The following KIAA0586 variants were observed in gnomAD, a reference collection of about 807,000 sequenced individuals.
KIAA0586 encodes the protein KIAA0586, also known as protein TALPID3.
In KIAA0586, 144 loss-of-function variants were observed where a neutral mutation model predicts 169.8. The observed-to-expected ratio is 0.85, with a 90% CI of 0.74 to 0.97. The LOEUF (loss-of-function observed/expected upper bound fraction) is 0.97, where lower values mean the gene tolerates loss of function less well. Among genes scored for constraint, KIAA0586 ranks in the 50% least tolerant of loss-of-function variants. KIAA0586 has a pLI of 0.00. For synonymous variants in KIAA0586, 625 were observed against 612.4 expected (o/e 1.02, Z -0.30); for missense variants, 1,854 against 1,823.0 (o/e 1.02, Z -0.31).
chr14:58,552,832 A>G (rs1163275525), downstream of KIAA0586, among the ~76,000 whole-genome samples: 1 of 152,242 alleles, frequency 6.6e-6, no homozygotes, highest in Non-Finnish European at 1.5e-5. Context: ...ATATATGTAA[A>G]GAGTTGAAAG....
At chr14:58,457,531 G>T (rs377048104) in intron 10 of KIAA0586, among the ~76,000 whole-genome samples, 18 of 152,310 alleles carry the variant, frequency 1.2e-4, no homozygotes, top group African/African-American at 4.3e-4. Context: ...GCCTCCCAAA[G>T]TGTTGGGATT....
chr14:58,463,041 C>G (rs1298795022), intron 14 of KIAA0586, among the ~76,000 whole-genome samples: 1 of 152,156 alleles, frequency 6.6e-6, no homozygotes, highest in African/African-American at 2.4e-5. Flanking sequence ...CAAGCCATAT[C>G]AGAACCTAAG....
intron 15 of KIAA0586, 148 bp downstream of exon 15, chr14:58,466,177 A>G: frequency 1.7e-6 from 1 of 572,112 alleles, no homozygotes; most frequent in Non-Finnish European, 3.0e-6. Context: ...CAACCTCTCA[A>G]AGTGCTGGGA....
intron 27 of KIAA0586, among the ~76,000 whole-genome samples, chr14:58,502,840 CT>C (rs1642165459): frequency 6.6e-6 from 1 of 152,194 alleles, no homozygotes; most frequent in Non-Finnish European, 1.5e-5. Context: ...CAGACTATAA[CT>C]GTGGTCCATA....
intron 30 of KIAA0586, among the ~76,000 whole-genome samples, chr14:58,542,573 C>G (rs1197165861): frequency 6.6e-6 from 1 of 152,086 alleles, no homozygotes; most frequent in Non-Finnish European, 1.5e-5. Flanking sequence ...ACACAGTTAA[C>G]TAGAGTTTAA....
intron 14 of KIAA0586, among the ~76,000 whole-genome samples, chr14:58,461,704 T>C (rs1743718): frequency 0.98 from 149,796 of 152,300 alleles, 73,709 homozygotes; most frequent in Non-Finnish European, 1. Context: ...GTAGACATTT[T>C]CCTGAAGACC....
chr14:58,548,215 G>A lies in KIAA0586; in HGVS notation c.*283G>A, dbSNP rs578054342. ...TGACATCTAGGCATTTAATCTATAGGTGTAATTATCTGTATGTATTTATAA... is the reference window on the plus strand; with the variant it reads ...TGACATCTAGGCATTTAATCTATAGATGTAATTATCTGTATGTATTTATAA... On this transcript the variant is annotated 3_prime_UTR_variant, in exon 31 of 31. Transcript: ENST00000652326. The A allele has an allele frequency of 1.8e-4, 53 of 302,516 alleles. No homozygotes were observed. In the South Asian group the frequency reaches 4.8e-3, roughly 28 times the overall value. The allele number at this position is 302,516 out of a possible 1,614,324, so 18.7% of individuals were successfully genotyped here.
intron 21 of KIAA0586, among the ~76,000 whole-genome samples, chr14:58,485,880 T>C (rs2042403371): frequency 6.6e-6 from 1 of 152,198 alleles, no homozygotes; most frequent in African/African-American, 2.4e-5. Context: ...GTCAATCACT[T>C]AAAATGCTTC....
chr14:58,532,039 G>T (rs1331857691), intron 29 of KIAA0586, among the ~76,000 whole-genome samples: 2 of 151,902 alleles, frequency 1.3e-5, no homozygotes, highest in Non-Finnish European at 2.9e-5. Flanking sequence ...CTGTCGGGGG[G>T]TGGGGGATAG....
Position 58,490,381 on chromosome 14 carries a change from T to C in KIAA0586, c.3858+141T>C, listed in dbSNP as rs2042760133. The C allele has an allele frequency of 1.3e-5, 6 of 462,390 alleles. No individual in the cohort carries two copies. In the East Asian group the frequency reaches 2.1e-4, roughly 16 times the overall value. The allele number at this position is 462,390 out of a possible 1,614,324, so 28.6% of individuals were successfully genotyped here. On this transcript the variant is annotated intron_variant, in intron 25 of 30. Transcript: ENST00000652326. Reference sequence around the variant, plus strand: ...AAATAACCATGAAATAATTTAGAGTTTCTTGCACATTTCATTATGTAATCT... The same window carrying C: ...AAATAACCATGAAATAATTTAGAGTCTCTTGCACATTTCATTATGTAATCT...
rs371921362 is a variant in KIAA0586 at position 58,438,457 on chromosome 14, A to G, written c.411-4249A>G. Reference sequence around the variant, plus strand: ...TAAATATATATATTGAGCACTTACTACATACCTAACCCTTTGTTACTTGCT... The same window carrying G: ...TAAATATATATATTGAGCACTTACTGCATACCTAACCCTTTGTTACTTGCT... On this transcript the variant is annotated intron_variant, in intron 4 of 30. Coordinates refer to ENST00000652326, the MANE Select transcript of KIAA0586 (RefSeq NM_001329943.3). Among the ~76,000 whole-genome samples the G allele has an allele frequency of 5.3e-5, 8 of 152,268 alleles. 1 individual carries two copies. In the South Asian group the frequency reaches 6.2e-4, roughly 12 times the overall value.
intron 29 of KIAA0586, among the ~76,000 whole-genome samples, chr14:58,535,691 T>C (rs1034283453): frequency 6.9e-6 from 1 of 144,972 alleles, no homozygotes; most frequent in Non-Finnish European, 1.5e-5. Context: ...ACCCTAATAA[T>C]TTATTGGATT....
At chr14:58,487,701 C>T (rs138356132) in intron 22 of KIAA0586, among the ~76,000 whole-genome samples, 186 bp from the exon 23 acceptor site, 43 of 151,956 alleles carry the variant, frequency 2.8e-4, no homozygotes, top group Middle Eastern at 6.8e-3. Flanking sequence ...TATTTTTTAA[C>T]GCTTCACTAA....
Position 58,547,788 on chromosome 14 carries a change from A to G in KIAA0586, c.4503A>G (p.Lys1501=), listed in dbSNP as rs1205650736. The G allele has an allele frequency of 1.2e-6, 2 of 1,613,450 alleles. No homozygotes were observed. The highest frequency in any genetic ancestry group is 1.1e-5 in the South Asian group (1 of 91,022). The change falls in exon 31 of 31, where the codon AAA becomes AAG. Residue 1501 remains lysine, a synonymous_variant. Coordinates refer to ENST00000652326, the MANE Select transcript of KIAA0586 (RefSeq NM_001329943.3). ...PYLTCVFSGG[K]AVPLSASQMP... is the part of the protein sequence containing the mutation. Reference sequence around the variant, plus strand: ...AGCTTCTCCTTTGTGCAGGTGGGAAAGCAGTGCCACTCTCCGCTTCACAGA... The same window carrying G: ...AGCTTCTCCTTTGTGCAGGTGGGAAGGCAGTGCCACTCTCCGCTTCACAGA...
In KIAA0586 at chr14:58,427,740, C is replaced by A; in HGVS notation, c.-525C>A. 6.5e-7 allele frequency: 1 copy of A among 1,533,720 alleles called. No homozygotes were observed. The highest frequency in any genetic ancestry group is 2.4e-5 in the East Asian group (1 of 40,884). ...TGACGCTGTTGTCAGATTACACCCA[C>A]GACGGTGCGGGTCTCGGGCGTTCTG... On this transcript the variant is annotated 5_prime_UTR_variant, in exon 1 of 31. Coordinates refer to ENST00000652326, the MANE Select transcript of KIAA0586 (RefSeq NM_001329943.3).
At chr14:58,489,776 T>C (rs1017528698) in intron 24 of KIAA0586, among the ~76,000 whole-genome samples, 1 of 149,656 alleles carries the variant, frequency 6.7e-6, no homozygotes, top group East Asian at 2.0e-4. Context: ...GAGTCTACTT[T>C]AAAGATGCAT....
rs2043356052 is a variant in KIAA0586, at chr14:58,498,940, G to A, written c.4148G>A (p.Arg1383Gln). The A allele has an allele frequency of 5.0e-6, 8 of 1,603,390 alleles. No homozygotes were observed. The highest frequency in any genetic ancestry group is 1.3e-5 in the African/African-American group (1 of 74,690). Residue 1383 changes from arginine to glutamine, a missense_variant, in exon 27 of 31, where the codon CGG (arginine) becomes CAG (glutamine). By Grantham distance (43) the Arg-to-Gln change is conservative. Transcript: ENST00000652326. ...DQQCDPKPLS[R>Q]QFDTVSGSIY... is the part of the protein sequence containing the mutation. ...CAATGTGATCCTAAACCATTATCTC[G>A]GCAATTTGACACAGTTTCAGGTAGA...
Position 58,427,762 on chromosome 14 carries a change from T to C in KIAA0586, c.-503T>C, listed in dbSNP as rs2036949361. 6.5e-7 allele frequency: 1 copy of C among 1,531,336 alleles called. No homozygotes were observed. Among genetic ancestry groups the C allele is most frequent in the Non-Finnish European group, 8.7e-7 (1 of 1,145,352 alleles). 94.9% of individuals were successfully genotyped at this position (1,531,336 alleles called of 1,614,324 possible). On this transcript the variant is annotated 5_prime_UTR_variant, in exon 1 of 31. Transcript: ENST00000652326. Reference sequence around the variant, plus strand: ...CCACGACGGTGCGGGTCTCGGGCGTTCTGGAGATACGTAGGGGTGAATTTA... The same window carrying C: ...CCACGACGGTGCGGGTCTCGGGCGTCCTGGAGATACGTAGGGGTGAATTTA...
In KIAA0586 at chr14:58,508,710, G is replaced by C. The variant is rs1416765367; in HGVS notation, c.4323+1G>C. On this transcript the variant is annotated splice_donor_variant, in intron 28 of 30. Coordinates refer to ENST00000652326, the MANE Select transcript of KIAA0586 (RefSeq NM_001329943.3). LOFTEE classifies it high-confidence loss of function. ...AGTAGCCGCTGAAGATTTTTCCCAG[G>C]TACCAAATTAATAGCACTTGTATTT... 9 of 1,577,306 alleles carry C rather than the reference G, an allele frequency of 5.7e-6. No individual in the cohort carries two copies. The highest frequency in any genetic ancestry group is 7.8e-6 in the Non-Finnish European group (9 of 1,159,672).
Sources: allele counts gnomAD v4.1 joint callset (sites outside exome capture counted in the v4.1 genomes callset), GRCh38; gene constraint gnomAD v4.1.1; transcripts MANE v1.5; gene names NCBI Gene and HGNC (gene_info 2026-07-23, HGNC 2026-07-21).